Variants in NCKAP1 observed in about 807,000 individuals in gnomAD.
The protein encoded by NCKAP1 is NCK associated protein 1, also known as nck-associated protein 1.
NCKAP1 carries 21 observed loss-of-function variants against 151.2 expected under a neutral mutation model. That is an observed-to-expected ratio of 0.14 (90% CI 0.10 to 0.20). NCKAP1 has a LOEUF of 0.20. Ranked by LOEUF, NCKAP1 falls within the 10% of genes least tolerant of loss-of-function variation. NCKAP1 has a pLI of 1.00. For missense variants in NCKAP1, 933 were observed against 1,352.1 expected, an observed-to-expected ratio of 0.69 and a Z score of 4.86; for synonymous variants, 484 against 451.8, an observed-to-expected ratio of 1.07 and a Z score of -0.90.
At chr2:183,036,697 A>G (rs990399134) in intron 1 of NCKAP1, among the ~76,000 whole-genome samples, 1 of 151,958 alleles carries the variant, frequency 6.6e-6, no homozygotes, top group African/African-American at 2.4e-5. Context: ...GAGCAACCAG[A>G]CTTTGTCCTT....
At chr2:182,928,083 A>AAC in intron 29 of NCKAP1, 34 bp downstream of exon 29, 1 of 1,436,002 alleles carries the variant, frequency 7.0e-7, no homozygotes, top group Non-Finnish European at 9.6e-7. Context: ...TTCTTTATAA[A>AAC]ATGTGATGAG....
intron 27 of NCKAP1, among the ~76,000 whole-genome samples, chr2:182,929,638 T>C (rs1033366479): frequency 3.3e-5 from 5 of 151,810 alleles, no homozygotes; most frequent in Non-Finnish European, 5.9e-5. Context: ...AGCTGAAATA[T>C]GTTTTAAAGA....
intron 24 of NCKAP1, 140 bp from the exon 25 acceptor site, chr2:182,935,515 A>G (rs918527702): frequency 1.9e-6 from 1 of 530,490 alleles, no homozygotes. Flanking sequence ...TTTGATTACA[A>G]TAATGATTAA....
At position 182,911,393 on chromosome 2, in the gene NCKAP1, T is replaced by A. The variant is rs564722280; in HGVS notation, c.*14309A>T. The A allele has an allele frequency of 1.3e-5, 2 of 152,166 alleles. No homozygotes were observed. The highest frequency in any genetic ancestry group is 2.9e-5 in the Non-Finnish European group (2 of 68,036). The allele number at this position is 152,166 out of a possible 1,614,324, so 9.4% of individuals were successfully genotyped here. A position where few individuals can be genotyped will look rare whatever the true frequency, so the allele number is the denominator to read the frequency against. The stretch of plus-strand genomic sequence containing the variant: ...GAATTCAAACACATGGGAAGGGGAT[T>A]AATTCACAAAACAGCCTATACTATA... On this transcript the variant is annotated 3_prime_UTR_variant, in exon 31 of 31. Transcript: ENST00000361354.
At chr2:182,974,217 T>C (rs528379062) in intron 15 of NCKAP1, among the ~76,000 whole-genome samples, 1 of 148,118 alleles carries the variant, frequency 6.8e-6, no homozygotes, top group East Asian at 2.0e-4. Context: ...TAGTGTTATG[T>C]CCCATTCTTT....
chr2:182,991,024 A>T (rs1478055830), intron 8 of NCKAP1, among the ~76,000 whole-genome samples: 1 of 152,192 alleles, frequency 6.6e-6, no homozygotes, highest in Non-Finnish European at 1.5e-5. Flanking sequence ...TTTTGTTTAT[A>T]AAACATTATC....
chr2:183,026,874 A>G (rs1698907887), intron 1 of NCKAP1, among the ~76,000 whole-genome samples: 1 of 152,232 alleles, frequency 6.6e-6, no homozygotes, highest in African/African-American at 2.4e-5. Flanking sequence ...AATAATAGCT[A>G]TAATGATGAT....
chr2:182,928,304 C>T (rs1575010850), intron 28 of NCKAP1, 78 bp from the exon 29 acceptor site: 2 of 989,824 alleles, frequency 2.0e-6, no homozygotes, highest in East Asian at 5.0e-5. Context: ...AATGACTTCA[C>T]AATCTGCATA....
intron 9 of NCKAP1, among the ~76,000 whole-genome samples, 181 bp from the exon 10 acceptor site, chr2:182,986,408 C>T (rs1698057910): frequency 6.6e-6 from 1 of 150,610 alleles, no homozygotes; most frequent in South Asian, 2.1e-4. Flanking sequence ...TCCAGTCAAG[C>T]CTTCCTAAAA....
At chr2:182,971,418 A>G (rs1281078976) in intron 15 of NCKAP1, among the ~76,000 whole-genome samples, 2 of 149,016 alleles carry the variant, frequency 1.3e-5, no homozygotes, top group Non-Finnish European at 3.0e-5. Flanking sequence ...AAAAAAAAAG[A>G]TATCTCATGT....
intron 8 of NCKAP1, among the ~76,000 whole-genome samples, chr2:182,990,892 T>G (rs539986281): frequency 1.3e-5 from 2 of 152,286 alleles, no homozygotes; most frequent in Admixed American, 6.5e-5. Context: ...CTTCTTTGAC[T>G]TGAACTATAC....
intron 1 of NCKAP1, among the ~76,000 whole-genome samples, chr2:183,030,198 T>G (rs2105899351): frequency 6.6e-6 from 1 of 152,284 alleles, no homozygotes; most frequent in Admixed American, 6.5e-5. Flanking sequence ...TTCAATCCAT[T>G]TTATTTTTTT....
At chr2:182,979,165 T>C (rs1334143841) in intron 13 of NCKAP1, among the ~76,000 whole-genome samples, 1 of 152,142 alleles carries the variant, frequency 6.6e-6, no homozygotes, top group African/African-American at 2.4e-5. Context: ...TAGGAAAATT[T>C]ATATGAAAAA....
intron 20 of NCKAP1, among the ~76,000 whole-genome samples, chr2:182,954,353 C>A (rs1335103241): frequency 1.3e-5 from 2 of 152,176 alleles, no homozygotes. Flanking sequence ...TTATCCTACA[C>A]TGACCACCCC....
At chr2:182,976,786 G>T (rs1697832677) in intron 15 of NCKAP1, 107 bp downstream of exon 15, 1 of 533,444 alleles carries the variant, frequency 1.9e-6, no homozygotes, top group Non-Finnish European at 3.0e-6. Context: ...TTATACAAAA[G>T]AAATATTTTC....
At chr2:182,994,808 A>T in intron 8 of NCKAP1, 31 bp downstream of exon 8, 1 of 1,548,838 alleles carries the variant, frequency 6.5e-7, no homozygotes, top group Non-Finnish European at 8.9e-7. Context: ...AAGCCTGGGG[A>T]GTAATCATAA....
intron 2 of NCKAP1, among the ~76,000 whole-genome samples, chr2:183,010,206 T>C (rs1320831261): frequency 1.3e-5 from 2 of 152,218 alleles, no homozygotes; most frequent in African/African-American, 4.8e-5. Flanking sequence ...TGGCTGGCCT[T>C]GTGACTTGCT....
intron 2 of NCKAP1, among the ~76,000 whole-genome samples, chr2:183,008,282 T>C (rs973169155): frequency 6.6e-6 from 1 of 152,236 alleles, no homozygotes; most frequent in African/African-American, 2.4e-5. Flanking sequence ...TCCACTGATG[T>C]TATGCAAGAT....
At chr2:183,009,945 T>C (rs1383931485) in intron 2 of NCKAP1, among the ~76,000 whole-genome samples, 1 of 152,228 alleles carries the variant, frequency 6.6e-6, no homozygotes, top group African/African-American at 2.4e-5. Flanking sequence ...AATTATATTA[T>C]AATCAATTAC....
Sources: gnomAD v4.1 joint callset for allele counts (sites outside exome capture counted in the v4.1 genomes callset) on GRCh38, gnomAD v4.1.1 for gene constraint, MANE v1.5 for transcripts, NCBI Gene and HGNC (gene_info 2026-07-23, HGNC 2026-07-21) for gene names.